GJB6: variants seen among roughly 807,000 people sequenced by gnomAD.
The protein encoded by GJB6 is gap junction beta-6 protein.
In GJB6, 5 loss-of-function variants were observed where a neutral mutation model predicts 5.4. The observed-to-expected ratio is 0.92, with a 90% confidence interval of 0.48 to 1.93. The LOEUF is 1.93. GJB6 is among the 30% of genes most tolerant of loss of function. The pLI is 0.01. For synonymous variants in GJB6, 136 were observed against 129.6 expected (o/e 1.05, Z -0.34); for missense variants, 298 against 326.9 (o/e 0.91, Z 0.68).
chr13:20,225,914 TTCCTTAGGAGGAACA>T (rs1259492328), intron 4 of GJB6, among the ~76,000 whole-genome samples: 2 of 152,218 alleles, frequency 1.3e-5, no homozygotes, highest in Non-Finnish European at 2.9e-5. Flanking sequence ...AATATCAGTA[TTCCTTAGGAGGAACA>T]TCCTTATCAG....
chr13:20,230,912 G>A (rs1323568251), intron 2 of GJB6, 105 bp from the exon 3 acceptor site: 1 of 152,228 alleles, frequency 6.6e-6, no homozygotes, highest in African/African-American at 2.4e-5. Context: ...CAGGTGAACT[G>A]ACCAGCGTCT....
Position 20,222,724 on chromosome 13 carries a change from G to GATGCA in GJB6, c.756_757insTGCAT (p.Gln253CysfsTer42), listed in dbSNP as rs777414019. On this transcript the variant is annotated frameshift_variant, in exon 5 of 5. Coordinates refer to ENST00000647029, the MANE Select transcript of GJB6 (RefSeq NM_001110219.3). LOFTEE classifies it high-confidence loss of function. ...CTTGGGAAACCTGTGATTGCATTTT[G>GATGCA]ACCACTATCTGAAATCAGCTCATTC... 2 of 1,614,104 alleles carry GATGCA rather than the reference G, an allele frequency of 1.2e-6. No homozygotes were observed. The highest frequency in any genetic ancestry group is 8.5e-7 in the Non-Finnish European group (1 of 1,179,974).
At chr13:20,228,646 G>A (rs1420482374) in intron 4 of GJB6, among the ~76,000 whole-genome samples, 5 of 150,826 alleles carry the variant, frequency 3.3e-5, no homozygotes, top group Admixed American at 1.3e-4. Flanking sequence ...CACCAAGCCC[G>A]GCTAATTTTT....
rs757602049 is a variant in GJB6 at position 20,222,800 on chromosome 13, C to G, written c.681G>C (p.Thr227=). 1 of 1,613,844 alleles carries G rather than the reference C, an allele frequency of 6.2e-7. No individual in the cohort carries two copies. The highest frequency in any genetic ancestry group is 1.1e-5 in the South Asian group (1 of 91,078). The change falls in exon 5 of 5, where the codon ACG becomes ACC. Residue 227 remains threonine (T), a synonymous_variant. Transcript: ENST00000647029. ...VCFRRSKRAQ[T]QKNHPNHALK... ...GGGCATGATTGGGGTGATTTTTTTG[C>G]GTCTGTGCTCTCTTTGATCTCCTAA...
chr13:20,227,445 G>T (rs1296601525), intron 4 of GJB6, among the ~76,000 whole-genome samples: 1 of 152,138 alleles, frequency 6.6e-6, no homozygotes, highest in East Asian at 1.9e-4. Context: ...GTGTCCTCCT[G>T]CAAGAGCCAC....
intron 1 of GJB6, among the ~76,000 whole-genome samples, chr13:20,231,800 C>T (rs1398440715): frequency 6.6e-6 from 1 of 152,262 alleles, no homozygotes; most frequent in Non-Finnish European, 1.5e-5. Context: ...CTTAGACACA[C>T]GATATGAAAC....
At chr13:20,232,138 G>T (rs1870126206) in intron 1 of GJB6, 56 bp downstream of exon 1, 1 of 152,158 alleles carries the variant, frequency 6.6e-6, no homozygotes, top group Admixed American at 6.5e-5. Context: ...CTGGGGGGCC[G>T]AGGTGGCACC....
intron 4 of GJB6, among the ~76,000 whole-genome samples, chr13:20,226,224 C>T (rs1869567574): frequency 1.3e-5 from 2 of 151,842 alleles, no homozygotes; most frequent in South Asian, 4.2e-4. Flanking sequence ...GATTCAATGC[C>T]TGCGTGGATC....
At position 20,223,502 on chromosome 13, in the gene GJB6, A is replaced by C. The variant is rs1267923864; in HGVS notation, c.-15-7T>G. 1 of 1,611,434 alleles carries C rather than the reference A, an allele frequency of 6.2e-7. No homozygotes were observed. The highest frequency in any genetic ancestry group is 1.1e-5 in the South Asian group (1 of 91,018). On this transcript the variant is annotated splice_polypyrimidine_tract_variant and splice_region_variant and intron_variant, in intron 4 of 4. Coordinates refer to ENST00000647029, the MANE Select transcript of GJB6 (RefSeq NM_001110219.3). ...CCATTGCGCTGGTTTATCCCTAAAC[A>C]GACAAAAGTGGGCAAAGGTTTATTA...
Position 20,222,391 on chromosome 13 carries a change from C to A in GJB6, c.*304G>T. On this transcript the variant is annotated 3_prime_UTR_variant, in exon 5 of 5. Coordinates refer to ENST00000647029, the MANE Select transcript of GJB6 (RefSeq NM_001110219.3). ...TTCCTGGATAAATGTTCCTTATCAACAACAGTTATATAAATTTTCAGAAAG... is the reference window on the plus strand; with the variant it reads ...TTCCTGGATAAATGTTCCTTATCAAAAACAGTTATATAAATTTTCAGAAAG... 1 of 319,202 alleles carries A rather than the reference C, an allele frequency of 3.1e-6. No homozygotes were observed. 19.8% of individuals were successfully genotyped at this position (319,202 alleles called of 1,614,324 possible). A position where few individuals can be genotyped will look rare whatever the true frequency, so the allele number is the denominator to read the frequency against.
intron 1 of GJB6, among the ~76,000 whole-genome samples, chr13:20,231,843 A>T (rs1420411301): frequency 6.6e-6 from 1 of 152,238 alleles, no homozygotes; most frequent in Middle Eastern, 3.2e-3. Context: ...GTCAAAGGGG[A>T]CCACGCTGGG....
chr13:20,226,532 A>T (rs1052487298), intron 4 of GJB6, among the ~76,000 whole-genome samples: 1 of 152,204 alleles, frequency 6.6e-6, no homozygotes, highest in Non-Finnish European at 1.5e-5. Context: ...AGCTCCATTT[A>T]AAAAGCTCAT....
intron 4 of GJB6, among the ~76,000 whole-genome samples, chr13:20,227,758 C>T (rs144483090): frequency 2.6e-5 from 4 of 152,316 alleles, no homozygotes; most frequent in African/African-American, 7.2e-5. Flanking sequence ...GGGTCAGCTG[C>T]GGGTTATCAA....
intron 4 of GJB6, among the ~76,000 whole-genome samples, chr13:20,225,064 T>G (rs1456359499): frequency 6.6e-6 from 1 of 152,248 alleles, no homozygotes; most frequent in Non-Finnish European, 1.5e-5. Flanking sequence ...GGCAACATCT[T>G]TTGTAGACTT....
chr13:20,229,048 A>C (rs1869847508), intron 4 of GJB6, among the ~76,000 whole-genome samples: 1 of 148,726 alleles, frequency 6.7e-6, no homozygotes, highest in Non-Finnish European at 1.5e-5. Flanking sequence ...ACCAAAACTA[A>C]AGCCCCCAAA....
intron 4 of GJB6, among the ~76,000 whole-genome samples, chr13:20,228,386 C>T: frequency 6.6e-6 from 1 of 152,156 alleles, no homozygotes; most frequent in East Asian, 1.9e-4. Flanking sequence ...TACATTTAAA[C>T]TTAAAAAGGT....
chr13:20,229,792 T>TCCCCCCCCCCCC (rs56771888), intron 3 of GJB6, 43 bp from the exon 4 acceptor site: 75 of 72,788 alleles, frequency 1.0e-3, no homozygotes, highest in South Asian at 1.6e-3. Flanking sequence ...TTCCTTTAAC[T>TCCCCCCCCCCCC]CCCCCCCCCC....
chr13:20,230,880 G>C (rs1016541704), intron 2 of GJB6, 73 bp from the exon 3 acceptor site: 27 of 152,352 alleles, frequency 1.8e-4, no homozygotes, highest in African/African-American at 5.5e-4. Flanking sequence ...ATCAGAATTT[G>C]TTTAAAAAAC....
Position 20,223,307 on chromosome 13 carries a change from C to T in GJB6, c.174G>A (p.Pro58=), listed in dbSNP as rs1309757111. The change falls in exon 5 of 5, where the codon CCG becomes CCA. Residue 58 remains proline, a synonymous_variant. Transcript: ENST00000647029. ...QEDFVCNTLQ[P]GCKNVCYDHF... ...GGTCATAGCACACATTTTTGCATCC[C>T]GGTTGCAGTGTGTTGCAGACGAAGT... The T allele has an allele frequency of 9.9e-6, 16 of 1,614,004 alleles. No homozygotes were observed. Among genetic ancestry groups the T allele is most frequent in the East Asian group, 2.2e-5 (1 of 44,884 alleles).
Sources: gnomAD v4.1 joint callset for allele counts (sites outside exome capture counted in the v4.1 genomes callset) on GRCh38, gnomAD v4.1.1 for gene constraint, MANE v1.5 for transcripts, NCBI Gene and HGNC (gene_info 2026-07-23, HGNC 2026-07-21) for gene names.